The following GALNT1 variants were observed in gnomAD, a reference collection of about 807,000 sequenced individuals.
The protein encoded by GALNT1 is polypeptide N-acetylgalactosaminyltransferase 1.
GALNT1 carries 17 observed loss-of-function variants against 65.7 expected under a neutral mutation model. That is an observed-to-expected ratio of 0.26 (90% CI 0.18 to 0.39). The LOEUF is 0.39. GALNT1 is among the 10% of genes least tolerant of loss of function. The pLI is 1.00. For synonymous variants in GALNT1, 210 were observed against 219.7 expected (o/e 0.96, Z 0.39); for missense variants, 460 against 672.8 (o/e 0.68, Z 3.50).
chr18:35,601,877 T>G (rs184164673), intron 1 of GALNT1, among the ~76,000 whole-genome samples: 1 of 152,348 alleles, frequency 6.6e-6, no homozygotes, highest in East Asian at 1.9e-4. Context: ...AGATTTGTCT[T>G]TTAGTCGTCA....
chr18:35,605,319 G>A (rs2046632410), intron 1 of GALNT1, among the ~76,000 whole-genome samples: 1 of 152,010 alleles, frequency 6.6e-6, no homozygotes, highest in African/African-American at 2.4e-5. Flanking sequence ...CCAACATGGT[G>A]AAACCCCGTC....
intron 1 of GALNT1, among the ~76,000 whole-genome samples, chr18:35,607,366 T>C (rs1234327304): frequency 6.6e-6 from 1 of 152,130 alleles, no homozygotes; most frequent in Non-Finnish European, 1.5e-5. Flanking sequence ...CCTTGTGTTC[T>C]GCCAGAGCCA....
Position 35,711,371 on chromosome 18 carries a change from G to A in GALNT1, c.*1601G>A, listed in dbSNP as rs1194593504. On this transcript the variant is annotated 3_prime_UTR_variant, in exon 12 of 12. Coordinates refer to ENST00000269195, the MANE Select transcript of GALNT1 (RefSeq NM_020474.4). ...TGTTTCCAAAAGTCGCATCGCTAAT[G>A]ATATTTGCCAAGTTGAGTGTACACA... 1 of 152,586 alleles carries A rather than the reference G, an allele frequency of 6.6e-6. No homozygotes were observed. Among genetic ancestry groups the A allele is most frequent in the Non-Finnish European group, 1.5e-5 (1 of 68,026 alleles). 9.5% of individuals were successfully genotyped at this position (152,586 alleles called of 1,614,324 possible). A position where few individuals can be genotyped will look rare whatever the true frequency, so the allele number is the denominator to read the frequency against.
At chr18:35,666,747 T>C (rs1183569277) in intron 3 of GALNT1, among the ~76,000 whole-genome samples, 1 of 152,176 alleles carries the variant, frequency 6.6e-6, no homozygotes, top group African/African-American at 2.4e-5. Context: ...TACAAATGCT[T>C]GTGCACCAAG....
intron 9 of GALNT1, among the ~76,000 whole-genome samples, chr18:35,693,142 G>A (rs2047995872): frequency 6.6e-6 from 1 of 151,930 alleles, no homozygotes; most frequent in African/African-American, 2.4e-5. Context: ...TTTATGTAAG[G>A]AAGTTGAAAG....
intron 1 of GALNT1, among the ~76,000 whole-genome samples, chr18:35,599,792 C>A (rs963346604): frequency 6.6e-6 from 1 of 152,148 alleles, no homozygotes; most frequent in African/African-American, 2.4e-5. Flanking sequence ...TGTCCTTTCC[C>A]CAGTGATTAT....
intron 1 of GALNT1, among the ~76,000 whole-genome samples, chr18:35,635,854 A>G (rs2047081840): frequency 1.3e-5 from 2 of 152,238 alleles, no homozygotes; most frequent in South Asian, 4.1e-4. Flanking sequence ...AGAGTAATAC[A>G]AAAATATTAA....
At chr18:35,684,465 T>C (rs1191583009) in intron 5 of GALNT1, among the ~76,000 whole-genome samples, 1 of 152,200 alleles carries the variant, frequency 6.6e-6, no homozygotes, top group Non-Finnish European at 1.5e-5. Flanking sequence ...ATAGGATATC[T>C]GTAAATTATT....
intron 2 of GALNT1, 133 bp from the exon 3 acceptor site, chr18:35,663,495 C>T: frequency 2.3e-6 from 2 of 857,500 alleles, no homozygotes; most frequent in Non-Finnish European, 3.6e-6. Flanking sequence ...GGGTTAACAG[C>T]CTAGGAGAGG....
chr18:35,625,480 C>T (rs1268971809), intron 1 of GALNT1, among the ~76,000 whole-genome samples: 1 of 152,122 alleles, frequency 6.6e-6, no homozygotes, highest in African/African-American at 2.4e-5. Context: ...GAGAAAGAGA[C>T]TTGTGTTGCT....
At chr18:35,654,421 T>A (rs1451286817) in intron 1 of GALNT1, 139 bp from the exon 2 acceptor site, 2 of 161,558 alleles carry the variant, frequency 1.2e-5, no homozygotes, top group African/African-American at 4.8e-5. Flanking sequence ...TCAAACATAG[T>A]CTTCATAGTG....
intron 1 of GALNT1, among the ~76,000 whole-genome samples, chr18:35,593,814 T>G (rs1219835277): frequency 1.3e-5 from 2 of 152,050 alleles, no homozygotes; most frequent in African/African-American, 4.8e-5. Context: ...GTTCAAGCTA[T>G]TCTCCTGTCT....
chr18:35,609,381 C>A (rs2046689346), intron 1 of GALNT1, among the ~76,000 whole-genome samples: 1 of 152,106 alleles, frequency 6.6e-6, no homozygotes, highest in African/African-American at 2.4e-5. Flanking sequence ...GTTCCTGCAG[C>A]CCATCTCTTG....
At chr18:35,674,159 T>TG (rs767214029) in intron 3 of GALNT1, among the ~76,000 whole-genome samples, 26 of 152,136 alleles carry the variant, frequency 1.7e-4, no homozygotes, top group Non-Finnish European at 3.5e-4. Flanking sequence ...TTGCTCTGGG[T>TG]GAGTAAGTGA....
intron 1 of GALNT1, among the ~76,000 whole-genome samples, chr18:35,589,357 T>G (rs1224705514): frequency 6.6e-6 from 1 of 152,204 alleles, no homozygotes; most frequent in Non-Finnish European, 1.5e-5. Flanking sequence ...AAGTCTAGGC[T>G]ACCCACCTGA....
chr18:35,594,622 A>G (rs529277414), intron 1 of GALNT1, among the ~76,000 whole-genome samples: 22 of 152,330 alleles, frequency 1.4e-4, no homozygotes, highest in Non-Finnish European at 2.5e-4. Context: ...AGGTCCAATG[A>G]AGTGAGGGAT....
At chr18:35,611,703 A>C (rs1319153068) in intron 1 of GALNT1, among the ~76,000 whole-genome samples, 2 of 152,208 alleles carry the variant, frequency 1.3e-5, no homozygotes, top group Non-Finnish European at 2.9e-5. Context: ...AGGGAATGGC[A>C]GCTGGCCAGA....
At position 35,709,606 on chromosome 18, in the gene GALNT1, A is replaced by T. The variant is rs766555175; in HGVS notation, c.1534-18A>T. 4.9e-5 allele frequency: 79 copies of T among 1,612,774 alleles called. 1 individual carries two copies. The South Asian group carries it at 8.6e-4, about 18-fold the overall frequency. ...TTTGTTTTCTTCCACTCTCATGTTAAGATTTTTTCTATTTCAGAAATTAAC... is the reference window on the plus strand; with the variant it reads ...TTTGTTTTCTTCCACTCTCATGTTATGATTTTTTCTATTTCAGAAATTAAC... On this transcript the variant is annotated intron_variant, in intron 11 of 11. Transcript: ENST00000269195.
intron 2 of GALNT1, among the ~76,000 whole-genome samples, chr18:35,659,243 T>C (rs1490846164): frequency 6.6e-6 from 1 of 152,208 alleles, no homozygotes; most frequent in Non-Finnish European, 1.5e-5. Flanking sequence ...ATAGAATGGA[T>C]TGATGTCATT....
Sources: allele counts gnomAD v4.1 joint callset (sites outside exome capture counted in the v4.1 genomes callset), GRCh38; gene constraint gnomAD v4.1.1; transcripts MANE v1.5; gene names NCBI Gene and HGNC (gene_info 2026-07-23, HGNC 2026-07-21).